Variants in PFDN1 observed in about 807,000 individuals in gnomAD.
PFDN1 encodes prefoldin 1.
A neutral mutation model predicts 17.3 loss-of-function variants in PFDN1; 6 were observed. That is an observed-to-expected ratio of 0.35 (90% CI 0.19 to 0.69). The LOEUF is 0.69. PFDN1 is among the 30% of genes least tolerant of loss of function. The pLI is 0.65. For missense variants in PFDN1, 113 were observed against 146.2 expected, an observed-to-expected ratio of 0.77 and a Z score of 1.17; for synonymous variants, 58 against 50.1, an observed-to-expected ratio of 1.16 and a Z score of -0.67.
intron 2 of PFDN1, chr5:140,292,988 C>G (rs150567504): frequency 3.7e-4 from 57 of 152,148 alleles, no homozygotes; most frequent in African/African-American, 1.3e-3. Flanking sequence ...TCCTCTCTCT[C>G]AGATTAGATA....
intron 2 of PFDN1, among the ~76,000 whole-genome samples, chr5:140,283,536 C>A (rs894085407): frequency 6.6e-6 from 1 of 152,074 alleles, no homozygotes; most frequent in African/African-American, 2.4e-5. Context: ...CCCAGCCCAG[C>A]CCAACTGATG....
intron 1 of PFDN1, among the ~76,000 whole-genome samples, chr5:140,302,594 T>C (rs1765765016): frequency 6.6e-6 from 1 of 152,158 alleles, no homozygotes; most frequent in Non-Finnish European, 1.5e-5. Context: ...ACTTTCAAGG[T>C]ACAGAACCGA....
intron 3 of PFDN1, among the ~76,000 whole-genome samples, chr5:140,269,587 G>A (rs1330339559): frequency 2.0e-5 from 3 of 152,306 alleles, no homozygotes; most frequent in African/African-American, 7.2e-5. Flanking sequence ...CCAAAATGCT[G>A]GGATTATAGG....
intron 3 of PFDN1, among the ~76,000 whole-genome samples, chr5:140,252,880 G>A (rs1323179622): frequency 4.6e-5 from 7 of 152,212 alleles, no homozygotes; most frequent in African/African-American, 7.2e-5. Context: ...GCCCTGAGCC[G>A]CCAGCCTGGA....
At position 140,278,489 on chromosome 5, in the gene PFDN1, G is replaced by A. The variant is rs1234111074; in HGVS notation, c.285+2960C>T. On this transcript the variant is annotated intron_variant, in intron 3 of 3. Coordinates refer to ENST00000261813, the MANE Select transcript of PFDN1 (RefSeq NM_002622.5). ...GGCAGAAGAATCGCTTGAACCTTTG[G>A]GGCAGAGGTGGCAGTGAGCCAAGAC... Among the ~76,000 whole-genome samples, 16 of 142,194 alleles carry A rather than the reference G, an allele frequency of 1.1e-4. 1 individual carries two copies. Among genetic ancestry groups the A allele is most frequent in the Non-Finnish European group, 4.5e-5 (3 of 66,376 alleles). The allele number at this position is 142,194 out of a possible 152,430, so 93.3% of individuals were successfully genotyped here.
intron 3 of PFDN1, among the ~76,000 whole-genome samples, chr5:140,251,885 ATC>A (rs1764918623): frequency 6.6e-6 from 1 of 151,742 alleles, no homozygotes; most frequent in African/African-American, 2.4e-5. Flanking sequence ...ACATGACACA[ATC>A]TCTCAAATAG....
chr5:140,297,163 GAA>G (rs1765667750), intron 2 of PFDN1, among the ~76,000 whole-genome samples: 1 of 152,096 alleles, frequency 6.6e-6, no homozygotes, highest in Non-Finnish European at 1.5e-5. Flanking sequence ...TGTTCTAAAA[GAA>G]AAATGAAGTT....
chr5:140,284,446 G>A (rs1765455350), intron 2 of PFDN1, among the ~76,000 whole-genome samples: 1 of 152,132 alleles, frequency 6.6e-6, no homozygotes, highest in Non-Finnish European at 1.5e-5. Flanking sequence ...TCTGATTTCT[G>A]AAAAAAAGTC....
chr5:140,249,906 G>A (rs1381605498), intron 3 of PFDN1, among the ~76,000 whole-genome samples: 1 of 152,132 alleles, frequency 6.6e-6, no homozygotes, highest in African/African-American at 2.4e-5. Flanking sequence ...TCAACACTGG[G>A]GATCAAATTT....
intron 3 of PFDN1, among the ~76,000 whole-genome samples, chr5:140,247,315 G>A (rs937867446): frequency 2.7e-5 from 4 of 149,330 alleles, no homozygotes; most frequent in African/African-American, 9.9e-5. Flanking sequence ...TTGTAGAAAT[G>A]AGAAACTTCA....
At chr5:140,262,388 C>T (rs1765077475) in intron 3 of PFDN1, 5 of 377,560 alleles carry the variant, frequency 1.3e-5, no homozygotes, top group South Asian at 9.7e-5. Flanking sequence ...CCCTCTCTTT[C>T]CCTGACTGAT....
At chr5:140,287,872 A>G (rs555028631) in intron 2 of PFDN1, among the ~76,000 whole-genome samples, 7 of 152,240 alleles carry the variant, frequency 4.6e-5, no homozygotes, top group Non-Finnish European at 7.3e-5. Flanking sequence ...ACTATAAAAT[A>G]AAATTATGAG....
At chr5:140,266,220 C>T (rs1316458217) in intron 3 of PFDN1, among the ~76,000 whole-genome samples, 2 of 152,200 alleles carry the variant, frequency 1.3e-5, no homozygotes, top group Non-Finnish European at 2.9e-5. Flanking sequence ...CTCCTATACC[C>T]AGTCACCTTG....
intron 3 of PFDN1, among the ~76,000 whole-genome samples, chr5:140,263,481 T>C (rs375368054): frequency 1.2e-3 from 179 of 152,336 alleles, no homozygotes; most frequent in Non-Finnish European, 2.1e-3. Flanking sequence ...GTTCCACTCT[T>C]GGGCCAGAAA....
At chr5:140,251,124 C>T (rs1292336181) in intron 3 of PFDN1, among the ~76,000 whole-genome samples, 2 of 151,900 alleles carry the variant, frequency 1.3e-5, no homozygotes, top group African/African-American at 2.4e-5. Flanking sequence ...TTAGTAGAGA[C>T]GGGGTTTCAC....
chr5:140,271,809 C>A (rs28510804), intron 3 of PFDN1, among the ~76,000 whole-genome samples: 36,113 of 151,736 alleles, frequency 0.24, 4,624 homozygotes, highest in South Asian at 0.46. Flanking sequence ...CAAGAGATAA[C>A]ACAGATATAC....
At chr5:140,273,872 G>A in intron 3 of PFDN1, 1 of 981,290 alleles carries the variant, frequency 1.0e-6, no homozygotes, top group Non-Finnish European at 1.2e-6. Context: ...ATATGCATGT[G>A]CCTAAAATAT....
intron 3 of PFDN1, among the ~76,000 whole-genome samples, chr5:140,277,018 G>C (rs1312064228): frequency 1.3e-5 from 2 of 151,550 alleles, no homozygotes; most frequent in Non-Finnish European, 2.9e-5. Context: ...TCAGGAGTTC[G>C]AGACCAGGCT....
intron 3 of PFDN1, among the ~76,000 whole-genome samples, chr5:140,267,910 G>A (rs1765156852): frequency 6.6e-6 from 1 of 152,220 alleles, no homozygotes; most frequent in Non-Finnish European, 1.5e-5. Context: ...TGACCTGGAA[G>A]TATTGTTCCA....
Sources: allele counts gnomAD v4.1 joint callset (sites outside exome capture counted in the v4.1 genomes callset), GRCh38; gene constraint gnomAD v4.1.1; transcripts MANE v1.5; gene names NCBI Gene and HGNC (gene_info 2026-07-23, HGNC 2026-07-21).